Variants in CDK14 observed in about 807,000 individuals in gnomAD.
The protein encoded by CDK14 is cyclin-dependent kinase 14.
Under a neutral mutation model 60.7 loss-of-function variants are expected in CDK14, and 34 were observed. The ratio of observed to expected loss-of-function variants is 0.56; its 90% CI spans 0.43 to 0.75. The LOEUF is 0.75. Among genes scored for constraint, CDK14 ranks in the 30% least tolerant of loss-of-function variants. CDK14 has a pLI of 0.00. For missense variants in CDK14, 482 were observed against 564.1 expected, an observed-to-expected ratio of 0.85 and a Z score of 1.47; for synonymous variants, 197 against 203.7, an observed-to-expected ratio of 0.97 and a Z score of 0.28.
At chr7:90,802,615 G>T (rs954023189) in intron 5 of CDK14, among the ~76,000 whole-genome samples, 1 of 152,106 alleles carries the variant, frequency 6.6e-6, no homozygotes, top group East Asian at 1.9e-4. Context: ...GTATGATTTT[G>T]AGCAAGTCTT....
intron 5 of CDK14, among the ~76,000 whole-genome samples, chr7:90,827,136 A>G (rs1446317012): frequency 2.7e-5 from 4 of 150,114 alleles, no homozygotes; most frequent in Non-Finnish European, 5.9e-5. Flanking sequence ...CAATCCCGTC[A>G]ACCACTCATG....
At chr7:91,022,582 A>G (rs987027826) in intron 10 of CDK14, among the ~76,000 whole-genome samples, 1 of 152,260 alleles carries the variant, frequency 6.6e-6, no homozygotes, top group South Asian at 2.1e-4. Context: ...ATCTTATGCC[A>G]TTACTCCAGC....
In CDK14 at chr7:91,207,611, T is replaced by C. The variant is rs1159254538; in HGVS notation, c.*475T>C. On this transcript the variant is annotated 3_prime_UTR_variant, in exon 15 of 15. Coordinates refer to ENST00000380050, the MANE Select transcript of CDK14 (RefSeq NM_001287135.2). ...TGTTTTCTTTGAGAGCAGTGCACAT[T>C]TTGCAACCACTAGGAAGGAAATTTT... 1.3e-5 allele frequency: 2 copies of C among 152,638 alleles called. No homozygotes were observed. The highest frequency in any genetic ancestry group is 2.9e-5 in the Non-Finnish European group (2 of 68,036). 9.5% of individuals were successfully genotyped at this position (152,638 alleles called of 1,614,324 possible).
At chr7:90,916,295 A>G (rs1246578030) in intron 7 of CDK14, among the ~76,000 whole-genome samples, 1 of 152,206 alleles carries the variant, frequency 6.6e-6, no homozygotes, top group African/African-American at 2.4e-5. Context: ...AGATGTTTGC[A>G]TCCCGAGATT....
At chr7:91,047,957 G>C (rs1797288338) in intron 11 of CDK14, among the ~76,000 whole-genome samples, 1 of 152,154 alleles carries the variant, frequency 6.6e-6, no homozygotes, top group Non-Finnish European at 1.5e-5. Flanking sequence ...GAAAATATCA[G>C]TGCTAGGGTC....
chr7:90,701,563 C>G (rs1323035977), intron 2 of CDK14, among the ~76,000 whole-genome samples: 1 of 152,150 alleles, frequency 6.6e-6, no homozygotes, highest in East Asian at 1.9e-4. Flanking sequence ...ATCTCCCTTT[C>G]CTAGAGTTTA....
At chr7:90,931,672 G>A (rs1386845647) in intron 8 of CDK14, among the ~76,000 whole-genome samples, 4 of 152,148 alleles carry the variant, frequency 2.6e-5, no homozygotes, top group Non-Finnish European at 4.4e-5. Context: ...CTTGAGAAAC[G>A]CAATTGCAGA....
intron 14 of CDK14, among the ~76,000 whole-genome samples, chr7:91,158,750 G>A (rs755273374): frequency 6.6e-6 from 1 of 152,178 alleles, no homozygotes; most frequent in Non-Finnish European, 1.5e-5. Flanking sequence ...CCCGTCAGAG[G>A]TAAGGAATTG....
At chr7:90,969,303 A>G (rs1316129226) in intron 9 of CDK14, among the ~76,000 whole-genome samples, 1 of 152,156 alleles carries the variant, frequency 6.6e-6, no homozygotes, top group Non-Finnish European at 1.5e-5. Context: ...ATGCCATTTG[A>G]TGACTGGAAC....
intron 12 of CDK14, among the ~76,000 whole-genome samples, chr7:91,091,520 T>TATA (rs1268235380): frequency 4.3e-5 from 6 of 140,938 alleles, no homozygotes; most frequent in African/African-American, 8.3e-5. Context: ...TATATATAAA[T>TATA]TAGCCAGGCA....
At position 90,937,678 on chromosome 7, in the gene CDK14, T is replaced by C. The variant is rs139445371; in HGVS notation, c.827-18019T>C. Among the ~76,000 whole-genome samples the C allele has an allele frequency of 5.3e-3, 807 of 152,292 alleles. 8 individuals carry two copies. The highest frequency in any genetic ancestry group is 0.018 in the African/African-American group (758 of 41,560). On this transcript the variant is annotated intron_variant, in intron 8 of 14. Transcript: ENST00000380050. ...AATAAATATTTTTGCCCATGAAGTC[T>C]CTGTTGCAACTACACAAAATCTGTT...
At chr7:90,997,554 A>G (rs1795719733) in intron 10 of CDK14, among the ~76,000 whole-genome samples, 1 of 152,336 alleles carries the variant, frequency 6.6e-6, no homozygotes, top group East Asian at 1.9e-4. Flanking sequence ...AACATTTAAC[A>G]TTCAGATGCA....
chr7:91,198,455 G>A (rs1180091379), intron 14 of CDK14, among the ~76,000 whole-genome samples: 2 of 152,210 alleles, frequency 1.3e-5, no homozygotes, highest in Non-Finnish European at 2.9e-5. Context: ...ACAATAAACA[G>A]TTAATTCCAA....
chr7:90,869,718 C>T (rs1791304706), intron 6 of CDK14, among the ~76,000 whole-genome samples: 1 of 152,166 alleles, frequency 6.6e-6, no homozygotes, highest in Non-Finnish European at 1.5e-5. Context: ...TCTGGATATA[C>T]ATTGTGTGGC....
chr7:90,718,348 C>G (rs2116676945), intron 2 of CDK14, among the ~76,000 whole-genome samples: 1 of 152,198 alleles, frequency 6.6e-6, no homozygotes, highest in South Asian at 2.1e-4. Context: ...AAGTGGAACA[C>G]AAAGGAAGCA....
chr7:90,630,881 G>GGTGTGTGTGTGTGTGTGTGTGT (rs1160442832), intron 2 of CDK14, among the ~76,000 whole-genome samples: 1 of 78,836 alleles, frequency 1.3e-5, no homozygotes, highest in Non-Finnish European at 2.5e-5. Flanking sequence ...TACATCTTGG[G>GGTGTGTGTGTGTGTGTGTGTGT]GTGTGTATGT....
chr7:90,945,426 G>A (rs1267723096), intron 8 of CDK14, among the ~76,000 whole-genome samples: 1 of 152,182 alleles, frequency 6.6e-6, no homozygotes. Context: ...ACTCTGGGCA[G>A]GGTTAAGTAT....
At chr7:90,624,014 A>G (rs188968251) in intron 2 of CDK14, among the ~76,000 whole-genome samples, 4 of 152,228 alleles carry the variant, frequency 2.6e-5, no homozygotes, top group African/African-American at 9.6e-5. Flanking sequence ...GTAGGGCTTC[A>G]TAGTTTACAA....
chr7:90,918,355 G>C (rs1484783181), intron 8 of CDK14, among the ~76,000 whole-genome samples: 1 of 152,230 alleles, frequency 6.6e-6, no homozygotes, highest in Non-Finnish European at 1.5e-5. Context: ...GTTCTGGAAT[G>C]AGCATTATAA....
Sources: gnomAD v4.1 joint callset for allele counts (sites outside exome capture counted in the v4.1 genomes callset) on GRCh38, gnomAD v4.1.1 for gene constraint, MANE v1.5 for transcripts, NCBI Gene and HGNC (gene_info 2026-07-23, HGNC 2026-07-21) for gene names.